The following CACNA1B variants were observed in gnomAD, a reference collection of about 807,000 sequenced individuals.
CACNA1B encodes calcium voltage-gated channel subunit alpha1 B.
Under a neutral mutation model 247.2 loss-of-function variants are expected in CACNA1B, and 70 were observed. The ratio of observed to expected loss-of-function variants is 0.28; its 90% CI spans 0.23 to 0.35. The LOEUF (loss-of-function observed/expected upper bound fraction) is 0.35. CACNA1B is among the 10% of genes least tolerant of loss of function. The pLI, the probability that CACNA1B is intolerant of heterozygous loss-of-function variation, is 1.00. For missense variants in CACNA1B, 2,367 were observed against 3,197.4 expected (o/e 0.74, Z 6.26); for synonymous variants, 1,231 against 1,294.4 (o/e 0.95, Z 1.05).
In CACNA1B at chr9:138,051,201, A is replaced by G. The variant is rs1959263264; in HGVS notation, c.3711-891A>G. On this transcript the variant is annotated intron_variant, in intron 24 of 46. Transcript: ENST00000371372. This position sits in a 1 kb window ranked among gnomAD's most constrained non-coding sequence, Gnocchi z 4.3. Reference sequence around the variant, plus strand: ...TCCTAGACACTGCTGGCCCGGCCTCAGTAGGGTCGTGGGAGGTCCAGTCCC... The same window carrying G: ...TCCTAGACACTGCTGGCCCGGCCTCGGTAGGGTCGTGGGAGGTCCAGTCCC... Among the ~76,000 whole-genome samples, 1 of 152,064 alleles carries G rather than the reference A, an allele frequency of 6.6e-6. No homozygotes were observed. The highest frequency in any genetic ancestry group is 1.5e-5 in the Non-Finnish European group (1 of 68,016).
Position 138,058,023 on chromosome 9 carries a change from T to G in CACNA1B, c.4107-26T>G, listed in dbSNP as rs1200839228. On this transcript the variant is annotated intron_variant, in intron 27 of 46. Coordinates refer to ENST00000371372, the MANE Select transcript of CACNA1B (RefSeq NM_000718.4). This position sits in a 1 kb window ranked among gnomAD's most constrained non-coding sequence, Gnocchi z 4.7. ...GGGCTGTCTCCTTTGGGGGTTCCCC[T>G]GACACTTGCTCTCCTCTTTGCCCAG... 4 of 1,603,686 alleles carry G rather than the reference T, an allele frequency of 2.5e-6. No individual in the cohort carries two copies. The highest frequency in any genetic ancestry group is 3.4e-6 in the Non-Finnish European group (4 of 1,170,666).
In CACNA1B at chr9:137,913,973, A is replaced by G. The variant is rs1957384688; in HGVS notation, c.623-681A>G. On this transcript the variant is annotated intron_variant, in intron 4 of 46. Coordinates refer to ENST00000371372, the MANE Select transcript of CACNA1B (RefSeq NM_000718.4). The surrounding 1 kb of genome is among the most constrained non-coding windows in gnomAD (Gnocchi z 5.2). ...ATCCAAGTGCTGGGGCCAGACTCGA[A>G]GGGGAGGGGTCAAGGTTTACAGGCT... is the stretch of plus-strand genomic sequence containing the variant. Among the ~76,000 whole-genome samples, 1 of 152,190 alleles carries G rather than the reference A, an allele frequency of 6.6e-6. No individual in the cohort carries two copies. The highest frequency in any genetic ancestry group is 1.5e-5 in the Non-Finnish European group (1 of 68,020).
At chr9:138,106,000 C>G (rs920254562) in intron 39 of CACNA1B, among the ~76,000 whole-genome samples, 193 bp downstream of exon 39, 25 of 152,172 alleles carry the variant, frequency 1.6e-4, no homozygotes, top group African/African-American at 5.1e-4. Context: ...TGCACATTAG[C>G]ACTGCAATGA....
rs1959610421 is a variant in CACNA1B, at chr9:138,058,820, C to T, written c.4473+87C>T. ...GGCTGAGTGGAGAGTCAGCCTTCTTCCTCCCTGCATGAGCCAAAGCAGTAG... is the reference window on the plus strand; with the variant it reads ...GGCTGAGTGGAGAGTCAGCCTTCTTTCTCCCTGCATGAGCCAAAGCAGTAG... On this transcript the variant is annotated intron_variant, in intron 29 of 46. Coordinates refer to ENST00000371372, the MANE Select transcript of CACNA1B (RefSeq NM_000718.4). The surrounding 1 kb of genome is among the most constrained non-coding windows in gnomAD (Gnocchi z 4.7). 2 of 1,255,220 alleles carry T rather than the reference C, an allele frequency of 1.6e-6. No homozygotes were observed. Among genetic ancestry groups the T allele is most frequent in the Admixed American group, 2.2e-5 (1 of 46,468 alleles). 77.8% of individuals were successfully genotyped at this position (1,255,220 alleles called of 1,614,324 possible). A position where few individuals can be genotyped will look rare whatever the true frequency, so the allele number is the denominator to read the frequency against.
In CACNA1B at chr9:138,120,059, G is replaced by A. The variant is rs1962025448; in HGVS notation, c.6031-106G>A. The A allele has an allele frequency of 5.5e-6, 5 of 916,472 alleles. No homozygotes were observed. The East Asian group carries it at 1.1e-4, about 20-fold the overall frequency. The allele number at this position is 916,472 out of a possible 1,614,324, so 56.8% of individuals were successfully genotyped here. ...TTCTGACTGTGAGACCAGGATGGGGGGCGTGTGGGCCTGCTGTCTGGCCTG... is the reference window on the plus strand; with the variant it reads ...TTCTGACTGTGAGACCAGGATGGGGAGCGTGTGGGCCTGCTGTCTGGCCTG... On this transcript the variant is annotated intron_variant, in intron 44 of 46. Coordinates refer to ENST00000371372, the MANE Select transcript of CACNA1B (RefSeq NM_000718.4).
intron 3 of CACNA1B, among the ~76,000 whole-genome samples, chr9:137,896,117 T>C (rs2133251552): frequency 6.6e-6 from 1 of 151,858 alleles, no homozygotes; most frequent in East Asian, 1.9e-4. Context: ...CAGGCGCCTG[T>C]AGTCCCACCT....
intron 6 of CACNA1B, among the ~76,000 whole-genome samples, chr9:137,939,864 C>G (rs1016802984): frequency 6.7e-6 from 1 of 150,238 alleles, no homozygotes; most frequent in Non-Finnish European, 1.5e-5. Flanking sequence ...AAATAAAATT[C>G]TTCGAACTGA....
In CACNA1B at chr9:137,986,708, C is replaced by T. The variant is rs1958366339; in HGVS notation, c.1902-74C>T. 2.8e-6 allele frequency: 4 copies of T among 1,416,648 alleles called. No individual in the cohort carries two copies. Among genetic ancestry groups the T allele is most frequent in the African/African-American group, 1.4e-5 (1 of 70,886 alleles). The allele number at this position is 1,416,648 out of a possible 1,614,324, so 87.8% of individuals were successfully genotyped here. The stretch of plus-strand genomic sequence containing the variant: ...GCAGCCTGAAGCGAGCAGGTTGAGG[C>T]CACGCTGGAGCCTGCAGGCGCTGCC... On this transcript the variant is annotated intron_variant, in intron 14 of 46. Coordinates refer to ENST00000371372, the MANE Select transcript of CACNA1B (RefSeq NM_000718.4). The surrounding 1 kb of genome is among the most constrained non-coding windows in gnomAD (Gnocchi z 6.0).
At chr9:137,892,877 C>T (rs1446093195) in intron 3 of CACNA1B, among the ~76,000 whole-genome samples, 2 of 152,258 alleles carry the variant, frequency 1.3e-5, no homozygotes, top group African/African-American at 4.8e-5. Context: ...CCAGGAGCAG[C>T]AGGTGGGGTG....
At chr9:138,053,484 C>T (rs1398966860) in intron 25 of CACNA1B, among the ~76,000 whole-genome samples, 2 of 152,144 alleles carry the variant, frequency 1.3e-5, no homozygotes, top group African/African-American at 2.4e-5. Context: ...GTTTCCATCC[C>T]GTAGGTGCCC....
At chr9:137,968,969 G>T (rs894541398) in intron 10 of CACNA1B, among the ~76,000 whole-genome samples, 4 of 152,248 alleles carry the variant, frequency 2.6e-5, no homozygotes, top group African/African-American at 9.6e-5. Flanking sequence ...CTGAAAAGAA[G>T]CCCAGTCTCT....
chr9:138,085,117 C>T (rs2313097), intron 36 of CACNA1B, among the ~76,000 whole-genome samples: 23,140 of 150,152 alleles, frequency 0.15, 2,444 homozygotes, highest in East Asian at 0.39. Context: ...ATAGACAATG[C>T]AATGAAATCA....
In CACNA1B at chr9:137,986,656, C is replaced by T; in HGVS notation, c.1901+112C>T. 1 of 1,438,662 alleles carries T rather than the reference C, an allele frequency of 7.0e-7. No homozygotes were observed. Among genetic ancestry groups the T allele is most frequent in the Non-Finnish European group, 9.8e-7 (1 of 1,023,976 alleles). The allele number at this position is 1,438,662 out of a possible 1,614,324, so 89.1% of individuals were successfully genotyped here. A position where few individuals can be genotyped will look rare whatever the true frequency, so the allele number is the denominator to read the frequency against. ...CACCCACCTTCCCACCAGGAAGGTC[C>T]TCAGAGGGGCCAGTGTGCAGCCATC... is the stretch of plus-strand genomic sequence containing the variant. On this transcript the variant is annotated intron_variant, in intron 14 of 46. Transcript: ENST00000371372. This position sits in a 1 kb window ranked among gnomAD's most constrained non-coding sequence, Gnocchi z 6.0.
In CACNA1B at chr9:138,042,678, C is replaced by T. The variant is rs180996579; in HGVS notation, c.3287-1096C>T. Among the ~76,000 whole-genome samples the T allele has an allele frequency of 4.1e-4, 62 of 152,206 alleles. 2 individuals are homozygous for T. The South Asian group carries it at 0.011, about 28-fold the overall frequency. On this transcript the variant is annotated intron_variant, in intron 20 of 46. Transcript: ENST00000371372. Reference sequence around the variant, plus strand: ...GTGGTCGCTTTAAACTGCTTGTGCTCGTGGGCAGGGGCTGGTTATCTTGGC... The same window carrying T: ...GTGGTCGCTTTAAACTGCTTGTGCTTGTGGGCAGGGGCTGGTTATCTTGGC...
rs535242086 is a variant in CACNA1B, at chr9:138,038,202, T to C, written c.3287-5572T>C. The stretch of plus-strand genomic sequence containing the variant: ...TTCAGTTCTTTGCAATCACTATTAC[T>C]TTTGGTGCTTAAATTGTCCTATCTT... On this transcript the variant is annotated intron_variant, in intron 20 of 46. Transcript: ENST00000371372. Among the ~76,000 whole-genome samples the C allele has an allele frequency of 6.3e-4, 96 of 152,384 alleles. 1 individual carries two copies. The South Asian group carries it at 0.019, about 30-fold the overall frequency.
Position 138,059,573 on chromosome 9 carries a change from C to T in CACNA1B, c.4585-81C>T. On this transcript the variant is annotated intron_variant, in intron 30 of 46. Coordinates refer to ENST00000371372, the MANE Select transcript of CACNA1B (RefSeq NM_000718.4). The surrounding 1 kb of genome is among the most constrained non-coding windows in gnomAD (Gnocchi z 4.2). Reference sequence around the variant, plus strand: ...CTATCACCCTCACCGCTTTCTTAATCAGGGCCACCACCTATATATACCTCT... The same window carrying T: ...CTATCACCCTCACCGCTTTCTTAATTAGGGCCACCACCTATATATACCTCT... The T allele has an allele frequency of 1.2e-6, 1 of 847,304 alleles. No individual in the cohort carries two copies. Among genetic ancestry groups the T allele is most frequent in the East Asian group, 2.4e-5 (1 of 41,370 alleles). 52.5% of individuals were successfully genotyped at this position (847,304 alleles called of 1,614,324 possible).
intron 3 of CACNA1B, among the ~76,000 whole-genome samples, chr9:137,896,480 A>G (rs1288724336): frequency 2.6e-5 from 4 of 152,182 alleles, no homozygotes; most frequent in Non-Finnish European, 5.9e-5. Flanking sequence ...CCTGGAATAG[A>G]CATGGTTGTG....
intron 32 of CACNA1B, among the ~76,000 whole-genome samples, chr9:138,071,289 G>A (rs570468126): frequency 6.6e-6 from 1 of 152,240 alleles, no homozygotes; most frequent in Admixed American, 6.5e-5. Context: ...TTCCAACTCA[G>A]GTAGAAGTAA....
chr9:137,977,103 G>A (rs112395796), intron 12 of CACNA1B, among the ~76,000 whole-genome samples: 4 of 1,046 alleles, frequency 3.8e-3, no homozygotes, highest in African/African-American at 0.011. Context: ...TAGGTAGGGA[G>A]GCCTTGGAGG....
Sources: allele counts gnomAD v4.1 joint callset (sites outside exome capture counted in the v4.1 genomes callset), GRCh38; gene constraint gnomAD v4.1.1; non-coding constraint Gnocchi (gnomAD v3.1); transcripts MANE v1.5; gene names NCBI Gene and HGNC (gene_info 2026-07-23, HGNC 2026-07-21).